The following DPP10 variants were observed in gnomAD, a reference collection of about 807,000 sequenced individuals.
The protein encoded by DPP10 is inactive dipeptidyl peptidase 10.
Under a neutral mutation model 120.9 loss-of-function variants are expected in DPP10, and 33 were observed. The ratio of observed to expected loss-of-function variants is 0.27; its 90% CI spans 0.21 to 0.37. The LOEUF is 0.37. Ranked by LOEUF, DPP10 falls within the 10% of genes least tolerant of loss-of-function variation. DPP10 has a pLI of 1.00. For synonymous variants in DPP10, 337 were observed against 326.1 expected (o/e 1.03, Z -0.36); for missense variants, 816 against 942.8 (o/e 0.87, Z 1.76).
chr2:115,369,708 T>C (rs924882327), intron 3 of DPP10, among the ~76,000 whole-genome samples: 1 of 151,958 alleles, frequency 6.6e-6, no homozygotes, highest in African/African-American at 2.4e-5. Flanking sequence ...AAATAGAAAG[T>C]GTGAAATGAC....
intron 8 of DPP10, among the ~76,000 whole-genome samples, chr2:115,730,146 C>A (rs2092869092): frequency 6.6e-6 from 1 of 152,108 alleles, no homozygotes; most frequent in African/African-American, 2.4e-5. Flanking sequence ...CAGCAGGAAC[C>A]TGGGGTCTAA....
intron 3 of DPP10, among the ~76,000 whole-genome samples, chr2:115,375,749 G>A (rs1301996366): frequency 6.6e-6 from 1 of 152,204 alleles, no homozygotes; most frequent in Non-Finnish European, 1.5e-5. Context: ...ATAGCAGAAG[G>A]TGAAGGAGAA....
chr2:114,487,223 A>G (rs879198093), intron 1 of DPP10, among the ~76,000 whole-genome samples: 2 of 152,192 alleles, frequency 1.3e-5, no homozygotes, highest in Admixed American at 1.3e-4. Flanking sequence ...GTTGCTTTTG[A>G]CAAGGTACCA....
chr2:115,438,486 A>T (rs966352664), intron 3 of DPP10, among the ~76,000 whole-genome samples: 3 of 152,184 alleles, frequency 2.0e-5, no homozygotes, highest in Non-Finnish European at 4.4e-5. Context: ...AAAAGTAGAA[A>T]CAACTCAGAT....
chr2:114,699,062 C>T (rs10175713), intron 1 of DPP10, among the ~76,000 whole-genome samples: 111 of 152,212 alleles, frequency 7.3e-4, no homozygotes, highest in African/African-American at 2.6e-3. Context: ...CACTTCAAAC[C>T]TGTTGTTCTA....
intron 5 of DPP10, among the ~76,000 whole-genome samples, chr2:115,644,617 GAA>G: frequency 7.2e-6 from 1 of 138,248 alleles, no homozygotes; most frequent in African/African-American, 2.6e-5. Context: ...TAAGGTATTT[GAA>G]AAAAAAAAAA....
intron 1 of DPP10, among the ~76,000 whole-genome samples, chr2:114,990,376 C>A (rs1251165470): frequency 6.6e-6 from 1 of 151,648 alleles, no homozygotes. Context: ...ATATATGTGC[C>A]TATAATCTAT....
At chr2:115,207,688 A>G (rs1423769968) in intron 1 of DPP10, among the ~76,000 whole-genome samples, 1 of 152,218 alleles carries the variant, frequency 6.6e-6, no homozygotes, top group African/African-American at 2.4e-5. Context: ...AAATCAGAGT[A>G]TCTTATGGTA....
chr2:114,891,535 A>G (rs1238057639), intron 1 of DPP10, among the ~76,000 whole-genome samples: 2 of 152,240 alleles, frequency 1.3e-5, no homozygotes, highest in Non-Finnish European at 2.9e-5. Context: ...GCAGACTTGC[A>G]GAAGTATTGT....
chr2:115,336,558 A>ACTCT (rs70941045), intron 2 of DPP10, among the ~76,000 whole-genome samples: 8,650 of 144,528 alleles, frequency 0.06, 319 homozygotes, highest in Middle Eastern at 0.09. Context: ...ATACATGTGT[A>ACTCT]CTCTCTCTCT....
At chr2:114,499,104 G>A (rs957618541) in intron 1 of DPP10, among the ~76,000 whole-genome samples, 1 of 152,142 alleles carries the variant, frequency 6.6e-6, no homozygotes, top group African/African-American at 2.4e-5. Flanking sequence ...AAACTGACGC[G>A]TCCATGGTGG....
intron 15 of DPP10, among the ~76,000 whole-genome samples, chr2:115,779,472 A>C (rs576688926): frequency 6.6e-6 from 1 of 152,074 alleles, no homozygotes; most frequent in African/African-American, 2.4e-5. Flanking sequence ...CTGCTACCGT[A>C]GTCATTGTTA....
At chr2:115,118,324 A>C (rs1273302534) in intron 1 of DPP10, among the ~76,000 whole-genome samples, 1 of 152,200 alleles carries the variant, frequency 6.6e-6, no homozygotes, top group Admixed American at 6.5e-5. Flanking sequence ...TTCTATCACT[A>C]TCGACCACCA....
At chr2:114,629,104 G>A (rs940915383) in intron 1 of DPP10, among the ~76,000 whole-genome samples, 6 of 152,166 alleles carry the variant, frequency 3.9e-5, no homozygotes, top group South Asian at 4.1e-4. Context: ...TTTGGAATGC[G>A]CAGCCAAATT....
intron 1 of DPP10, among the ~76,000 whole-genome samples, chr2:114,936,156 C>G (rs1696450017): frequency 6.6e-6 from 1 of 151,960 alleles, no homozygotes; most frequent in African/African-American, 2.4e-5. Context: ...ACCCTTTCCC[C>G]AAGTCCCCGA....
At chr2:115,281,174 T>G (rs2060141767) in intron 1 of DPP10, among the ~76,000 whole-genome samples, 1 of 152,212 alleles carries the variant, frequency 6.6e-6, no homozygotes, top group African/African-American at 2.4e-5. Flanking sequence ...TCTTACTTTA[T>G]TTCAATAGAA....
chr2:114,998,099 ATCT>A (rs990937394), intron 1 of DPP10, among the ~76,000 whole-genome samples: 1 of 152,214 alleles, frequency 6.6e-6, no homozygotes, highest in African/African-American at 2.4e-5. Context: ...ATAAGCAATC[ATCT>A]TCTTACACTT....
intron 1 of DPP10, among the ~76,000 whole-genome samples, chr2:114,686,937 G>A (rs1573967130): frequency 6.6e-6 from 1 of 152,020 alleles, no homozygotes; most frequent in South Asian, 2.1e-4. Flanking sequence ...TCTCTGGGAT[G>A]TGCATTCCTT....
intron 5 of DPP10, among the ~76,000 whole-genome samples, chr2:115,578,546 C>A (rs936441797): frequency 6.6e-6 from 1 of 152,120 alleles, no homozygotes; most frequent in Non-Finnish European, 1.5e-5. Flanking sequence ...ATTCAGTCCT[C>A]AGACAAGCGA....
Sources: allele counts gnomAD v4.1 joint callset (sites outside exome capture counted in the v4.1 genomes callset), GRCh38; gene constraint gnomAD v4.1.1; transcripts MANE v1.5; gene names NCBI Gene and HGNC (gene_info 2026-07-23, HGNC 2026-07-21).